CDIN1: variants seen among roughly 807,000 people sequenced by gnomAD.
CDIN1 encodes CDAN1-interacting nuclease 1.
Under a neutral mutation model 45.3 loss-of-function variants are expected in CDIN1, and 33 were observed. That is an observed-to-expected ratio of 0.73 (90% CI 0.55 to 0.97). CDIN1 has a LOEUF of 0.97. CDIN1 is among the 50% of genes least tolerant of loss of function. CDIN1 has a pLI of 0.00. For missense variants in CDIN1, 303 were observed against 339.4 expected (o/e 0.89, Z 0.84); for synonymous variants, 118 against 124.4 (o/e 0.95, Z 0.34).
chr15:36,786,486 C>T (rs1413795940), intron 10 of CDIN1, among the ~76,000 whole-genome samples: 1 of 152,178 alleles, frequency 6.6e-6, no homozygotes, highest in African/African-American at 2.4e-5. Context: ...CATTTTTATT[C>T]TCTCAGTATT....
At position 36,807,130 on chromosome 15, in the gene CDIN1, T is replaced by C. The variant is rs1410013643; in HGVS notation, c.717-1194T>C. ...ATACAACTTGGCTACCCCACTAATGTGGATCCCCAAATAAACCAGGCCGTG... is the reference window on the plus strand; with the variant it reads ...ATACAACTTGGCTACCCCACTAATGCGGATCCCCAAATAAACCAGGCCGTG... On this transcript the variant is annotated intron_variant, in intron 10 of 10. Transcript: ENST00000566621. 2.0e-5 allele frequency among the ~76,000 whole-genome samples: 3 copies of C among 152,196 alleles called. No homozygotes were observed. In the East Asian group the frequency reaches 5.8e-4, roughly 29 times the overall value.
At chr15:36,643,321 C>T (rs955972250) in intron 1 of CDIN1, among the ~76,000 whole-genome samples, 2 of 152,078 alleles carry the variant, frequency 1.3e-5, no homozygotes, top group African/African-American at 4.8e-5. Context: ...CTTTATTTCA[C>T]ATTCCCCAAA....
At chr15:36,672,213 A>G (rs960577853) in intron 5 of CDIN1, among the ~76,000 whole-genome samples, 11 of 152,078 alleles carry the variant, frequency 7.2e-5, no homozygotes, top group East Asian at 1.9e-4. Flanking sequence ...TTCTTTTTCT[A>G]TGAAACATGT....
At chr15:36,663,974 C>T (rs1191597924) in intron 5 of CDIN1, among the ~76,000 whole-genome samples, 1 of 152,128 alleles carries the variant, frequency 6.6e-6, no homozygotes, top group African/African-American at 2.4e-5. Flanking sequence ...AACTAATAAG[C>T]TATTGCATTA....
intron 10 of CDIN1, among the ~76,000 whole-genome samples, chr15:36,785,524 C>G (rs2054467148): frequency 6.6e-6 from 1 of 152,138 alleles, no homozygotes; most frequent in Non-Finnish European, 1.5e-5. Context: ...TCTACAAAGA[C>G]AAGTTACACT....
chr15:36,584,817 G>A (rs2037217152), intron 1 of CDIN1, among the ~76,000 whole-genome samples: 1 of 152,190 alleles, frequency 6.6e-6, no homozygotes, highest in Admixed American at 6.5e-5. Context: ...GACGTCAGGA[G>A]AACATGCAAA....
chr15:36,627,148 G>A, intron 1 of CDIN1: 1 of 197,318 alleles, frequency 5.1e-6, no homozygotes, highest in Non-Finnish European at 1.1e-5. Flanking sequence ...CCATGCACTG[G>A]GTGTACATCA....
intron 10 of CDIN1, among the ~76,000 whole-genome samples, chr15:36,715,699 G>C (rs115324596): frequency 1.3e-5 from 2 of 152,146 alleles, no homozygotes; most frequent in African/African-American, 2.4e-5. Flanking sequence ...AGGGGGCTTC[G>C]ATAAGGGTAA....
chr15:36,612,554 A>G (rs777101244), intron 1 of CDIN1, among the ~76,000 whole-genome samples: 4 of 152,152 alleles, frequency 2.6e-5, no homozygotes, highest in Non-Finnish European at 5.9e-5. Flanking sequence ...GCATGAGAAC[A>G]AGTTTGTCAC....
At chr15:36,731,865 T>C (rs1420268188) in intron 10 of CDIN1, among the ~76,000 whole-genome samples, 1 of 152,216 alleles carries the variant, frequency 6.6e-6, no homozygotes, top group Non-Finnish European at 1.5e-5. Flanking sequence ...TTATTTCTTA[T>C]ACATTCTAAG....
intron 8 of CDIN1, among the ~76,000 whole-genome samples, chr15:36,703,308 T>G (rs1368383766): frequency 1.5e-5 from 2 of 132,988 alleles, no homozygotes; most frequent in African/African-American, 5.9e-5. Flanking sequence ...CAGATAGATC[T>G]ATCAGATATA....
Position 36,613,856 on chromosome 15 carries a change from G to A in CDIN1, c.102-30422G>A. 5.0e-6 allele frequency: 8 copies of A among 1,594,868 alleles called. No homozygotes were observed. In the South Asian group the frequency reaches 6.6e-5, roughly 13 times the overall value. On this transcript the variant is annotated intron_variant, in intron 1 of 10. Coordinates refer to ENST00000566621, the MANE Select transcript of CDIN1 (RefSeq NM_001321759.2). Reference sequence around the variant, plus strand: ...AGAGGCAGATAGGAAGTATGAAGAGGTGGCTTGTAAGTGGGTGATCACTGA... The same window carrying A: ...AGAGGCAGATAGGAAGTATGAAGAGATGGCTTGTAAGTGGGTGATCACTGA...
intron 1 of CDIN1, among the ~76,000 whole-genome samples, chr15:36,628,443 A>G (rs1431173415): frequency 2.0e-5 from 3 of 152,198 alleles, no homozygotes; most frequent in Non-Finnish European, 4.4e-5. Context: ...CCATTATTAA[A>G]GGTTGTTTAT....
chr15:36,729,210 C>G (rs11635665), intron 10 of CDIN1, among the ~76,000 whole-genome samples: 10,823 of 152,022 alleles, frequency 0.071, 525 homozygotes, highest in Middle Eastern at 0.11. Context: ...GTGGAAATAT[C>G]TCTGTGGGTT....
chr15:36,634,093 G>A (rs1042385680), intron 1 of CDIN1, among the ~76,000 whole-genome samples: 1 of 151,876 alleles, frequency 6.6e-6, no homozygotes, highest in Non-Finnish European at 1.5e-5. Flanking sequence ...TCTGTGTTTA[G>A]TCAAAAAGTC....
At chr15:36,791,972 A>T (rs1044806827) in intron 10 of CDIN1, among the ~76,000 whole-genome samples, 2 of 152,168 alleles carry the variant, frequency 1.3e-5, no homozygotes, top group African/African-American at 4.8e-5. Context: ...AAAAATAAAC[A>T]CATATTAATC....
rs2055115696 is a variant in CDIN1 at position 36,803,436 on chromosome 15, T to C, written c.717-4888T>C. On this transcript the variant is annotated intron_variant, in intron 10 of 10. Transcript: ENST00000566621. ...TTATCTTCAGTTGCTTGTTGCCAGA[T>C]TGATTAGTTTCTCAAAAAAAGCTAA... Among the ~76,000 whole-genome samples the C allele has an allele frequency of 2.0e-5, 3 of 151,988 alleles. 1 individual carries two copies. Among genetic ancestry groups the C allele is most frequent in the South Asian group, 4.1e-4 (2 of 4,822 alleles).
intron 1 of CDIN1, among the ~76,000 whole-genome samples, chr15:36,624,544 A>G (rs963344100): frequency 3.3e-5 from 5 of 152,318 alleles, no homozygotes; most frequent in Admixed American, 3.3e-4. Context: ...CTAATACAGC[A>G]AGGAAAACAT....
At chr15:36,607,054 GT>G (rs1191789283) in intron 1 of CDIN1, among the ~76,000 whole-genome samples, 1 of 152,126 alleles carries the variant, frequency 6.6e-6, no homozygotes, top group African/African-American at 2.4e-5. Flanking sequence ...GACAGAAGGT[GT>G]TTTCTTGGTC....
Sources: allele counts gnomAD v4.1 joint callset (sites outside exome capture counted in the v4.1 genomes callset), GRCh38; gene constraint gnomAD v4.1.1; transcripts MANE v1.5; gene names NCBI Gene and HGNC (gene_info 2026-07-23, HGNC 2026-07-21).